Variants in DLEU7 observed in about 807,000 individuals in gnomAD.
DLEU7 encodes the protein leukemia-associated protein 7.
In DLEU7, 17 loss-of-function variants were observed where a neutral mutation model predicts 16.0. The observed-to-expected ratio is 1.06, with a 90% CI of 0.73 to 1.59. The LOEUF is 1.59. DLEU7 is among the 40% of genes most tolerant of loss of function. The pLI is 0.00. For synonymous variants in DLEU7, 113 were observed against 139.8 expected, an observed-to-expected ratio of 0.81 and a Z score of 1.35; for missense variants, 308 against 314.9, an observed-to-expected ratio of 0.98 and a Z score of 0.17.
At chr13:50,819,950 A>G (rs1193254357), downstream of DLEU7, among the ~76,000 whole-genome samples, 1 of 152,190 alleles carries the variant, frequency 6.6e-6, no homozygotes, top group Non-Finnish European at 1.5e-5. Flanking sequence ...GCACTACACA[A>G]TTAAGAAATC....
chr13:50,720,403 A>G (rs1455949269), intron 1 of DLEU7, among the ~76,000 whole-genome samples: 1 of 152,246 alleles, frequency 6.6e-6, no homozygotes, highest in Non-Finnish European at 1.5e-5. Flanking sequence ...ATCAGGCTGA[A>G]ACATCCTTTA....
intron 1 of DLEU7, among the ~76,000 whole-genome samples, chr13:50,815,257 G>A (rs774397188): frequency 2.2e-4 from 34 of 152,120 alleles, no homozygotes; most frequent in African/African-American, 5.5e-4. Flanking sequence ...TGTTAGATAC[G>A]TAATCATTAC....
intron 1 of DLEU7, among the ~76,000 whole-genome samples, chr13:50,731,759 A>C (rs1478369723): frequency 6.6e-6 from 1 of 152,210 alleles, no homozygotes; most frequent in African/African-American, 2.4e-5. Context: ...CCCTTTCCTT[A>C]CATTTTCCTT....
intron 1 of DLEU7, among the ~76,000 whole-genome samples, chr13:50,761,633 T>C (rs1215531456): frequency 6.6e-6 from 1 of 152,160 alleles, no homozygotes; most frequent in Non-Finnish European, 1.5e-5. Flanking sequence ...GGAGGAGACA[T>C]GCCTGCTCTT....
At chr13:50,743,174 AAGGC>A (rs376860642) in intron 1 of DLEU7, among the ~76,000 whole-genome samples, 20 of 129,442 alleles carry the variant, frequency 1.5e-4, no homozygotes, top group Admixed American at 3.0e-4. Context: ...GAGAAAGAAA[AAGGC>A]AGGCAGGCAG....
chr13:50,737,671 T>G (rs1468653394), intron 1 of DLEU7, among the ~76,000 whole-genome samples: 1 of 152,172 alleles, frequency 6.6e-6, no homozygotes. Context: ...GTGTTCCGAC[T>G]GCCACACCAA....
At chr13:50,784,056 C>T (rs141421544) in intron 1 of DLEU7, among the ~76,000 whole-genome samples, 21 of 152,334 alleles carry the variant, frequency 1.4e-4, no homozygotes, top group Non-Finnish European at 2.9e-4. Flanking sequence ...TTGCCAGGCA[C>T]ATGGATTTCT....
chr13:50,814,700 C>CAT (rs762070924), intron 1 of DLEU7, among the ~76,000 whole-genome samples: 25 of 148,512 alleles, frequency 1.7e-4, no homozygotes, highest in Non-Finnish European at 3.0e-4. Flanking sequence ...CACACACACA[C>CAT]ACACACTCGC....
In DLEU7 at chr13:50,815,692, C is replaced by G. The variant is rs547906718; in HGVS notation, c.459+27496G>C. 1.1e-4 allele frequency among the ~76,000 whole-genome samples: 17 copies of G among 152,138 alleles called. 1 individual carries two copies. The South Asian group carries it at 3.5e-3, about 32-fold the overall frequency. On this transcript the variant is annotated intron_variant, in intron 1 of 1. Coordinates refer to the DLEU7 transcript ENST00000400393. ...CTTGAAGTAGACTGTCCCACAGGCC[C>G]ACTTATGGTGCATGTGAATTTGTGA...
intron 1 of DLEU7, among the ~76,000 whole-genome samples, chr13:50,752,630 G>A (rs1315460548): frequency 2.6e-5 from 4 of 151,832 alleles, no homozygotes; most frequent in African/African-American, 4.8e-5. Flanking sequence ...TGAAGCTGCC[G>A]ACCTTCACGG....
intron 1 of DLEU7, among the ~76,000 whole-genome samples, chr13:50,722,653 C>T (rs1388170183): frequency 6.6e-6 from 1 of 152,220 alleles, no homozygotes; most frequent in Non-Finnish European, 1.5e-5. Flanking sequence ...TGCTTGGCTA[C>T]CTTCACAGAA....
At chr13:50,771,277 T>A (rs1001842499) in intron 1 of DLEU7, among the ~76,000 whole-genome samples, 1 of 152,230 alleles carries the variant, frequency 6.6e-6, no homozygotes, top group East Asian at 1.9e-4. Flanking sequence ...AGTTCTGCTC[T>A]GATCTTAGTT....
chr13:50,834,585 CT>C (rs2137812529), intron 1 of DLEU7, among the ~76,000 whole-genome samples: 1 of 152,258 alleles, frequency 6.6e-6, no homozygotes, highest in East Asian at 1.9e-4. Context: ...TGCTTTTACA[CT>C]GTTGGTGGGA....
downstream of DLEU7, chr13:50,822,663 A>AC: frequency 1.0e-6 from 1 of 985,278 alleles, no homozygotes; most frequent in Non-Finnish European, 1.2e-6. Context: ...TGTGCTTTGT[A>AC]TTTACATATC....
intron 1 of DLEU7, chr13:50,812,839 G>T (rs1369334114): frequency 6.6e-6 from 1 of 151,074 alleles, no homozygotes; most frequent in African/African-American, 2.4e-5. Flanking sequence ...AGTAATGGAG[G>T]AAATTCTTAA....
At chr13:50,810,646 G>T (rs1479004168) in intron 1 of DLEU7, among the ~76,000 whole-genome samples, 1 of 152,124 alleles carries the variant, frequency 6.6e-6, no homozygotes, top group African/African-American at 2.4e-5. Flanking sequence ...TGTGCCAAGG[G>T]CTGTAGAACA....
chr13:50,755,031 G>A (rs1874710332), intron 1 of DLEU7, among the ~76,000 whole-genome samples: 1 of 152,204 alleles, frequency 6.6e-6, no homozygotes, highest in Non-Finnish European at 1.5e-5. Flanking sequence ...ATCTCTTCTA[G>A]CTTGCAAGGT....
intron 1 of DLEU7, among the ~76,000 whole-genome samples, chr13:50,798,812 G>C (rs1209784447): frequency 6.6e-6 from 1 of 152,176 alleles, no homozygotes; most frequent in Non-Finnish European, 1.5e-5. Flanking sequence ...CACAGCCATT[G>C]CTCCTGGAGC....
intron 1 of DLEU7, among the ~76,000 whole-genome samples, chr13:50,724,698 C>T (rs528698705): frequency 2.0e-5 from 3 of 152,256 alleles, no homozygotes; most frequent in South Asian, 2.1e-4. Flanking sequence ...AACAAATGCC[C>T]TCCAAATCCT....
Sources: allele counts gnomAD v4.1 joint callset (sites outside exome capture counted in the v4.1 genomes callset), GRCh38; gene constraint gnomAD v4.1.1; transcripts MANE v1.5; gene names NCBI Gene and HGNC (gene_info 2026-07-23, HGNC 2026-07-21).